PDAP1: variants seen among roughly 807,000 people sequenced by gnomAD.
PDAP1 encodes PDGFA associated protein 1.
In PDAP1, 13 loss-of-function variants were observed where a neutral mutation model predicts 28.0. That is an observed-to-expected ratio of 0.46 (90% CI 0.30 to 0.74). PDAP1 has a LOEUF of 0.74. PDAP1 is among the 30% of genes least tolerant of loss of function. The pLI is 0.07. For missense variants in PDAP1, 150 were observed against 230.0 expected, an observed-to-expected ratio of 0.65 and a Z score of 2.25; for synonymous variants, 77 against 85.1, an observed-to-expected ratio of 0.91 and a Z score of 0.52.
chr7:99,398,173 G>GT (rs1013304348), intron 4 of PDAP1, among the ~76,000 whole-genome samples, 160 bp from the exon 5 acceptor site: 1 of 152,236 alleles, frequency 6.6e-6, no homozygotes, highest in African/African-American at 2.4e-5. Flanking sequence ...CTTGGTGGAC[G>GT]TTCACCAAGC....
chr7:99,397,783 G>T (rs1174641083), intron 5 of PDAP1, 79 bp downstream of exon 5: 6 of 1,541,580 alleles, frequency 3.9e-6, no homozygotes, highest in Non-Finnish European at 5.3e-6. Context: ...CTCGCGGACA[G>T]GGACACGAGT....
chr7:99,408,595 A>C lies in PDAP1; in HGVS notation c.-47T>G. ...GGCGGCGGCGGCGCCTCGAACTGAC[A>C]CCGGAACCGGAAATAGCTTGGGCTC... On this transcript the variant is annotated 5_prime_UTR_variant, in exon 1 of 6. Transcript: ENST00000350498. 1 of 1,198,574 alleles carries C rather than the reference A, an allele frequency of 8.3e-7. No homozygotes were observed. The highest frequency in any genetic ancestry group is 1.0e-6 in the Non-Finnish European group (1 of 964,030). 74.2% of individuals were successfully genotyped at this position (1,198,574 alleles called of 1,614,324 possible).
chr7:99,407,464 T>C (rs776208429), intron 1 of PDAP1, among the ~76,000 whole-genome samples: 4 of 152,204 alleles, frequency 2.6e-5, no homozygotes, highest in Non-Finnish European at 5.9e-5. Flanking sequence ...TTTAGCTCTG[T>C]AATGCCCAAT....
At position 99,399,689 on chromosome 7, in the gene PDAP1, G is replaced by A. The variant is rs187723162; in HGVS notation, c.335+614C>T. 7.9e-4 allele frequency among the ~76,000 whole-genome samples: 121 copies of A among 152,334 alleles called. 1 individual carries two copies. The highest frequency in any genetic ancestry group is 7.8e-3 in the Admixed American group (120 of 15,308). ...CATTATCCTAAATTCCCAGTCAGGA[G>A]AGAAACTAGCAGGCTTCAACCTCTT... On this transcript the variant is annotated intron_variant, in intron 4 of 5. Coordinates refer to ENST00000350498, the MANE Select transcript of PDAP1 (RefSeq NM_014891.7).
chr7:99,407,797 T>TA (rs1008890946), intron 1 of PDAP1, among the ~76,000 whole-genome samples: 3 of 152,114 alleles, frequency 2.0e-5, no homozygotes, highest in African/African-American at 7.2e-5. Flanking sequence ...GGCTAGAAGA[T>TA]AGAGGACGGG....
chr7:99,400,023 G>A (rs1363434280), intron 4 of PDAP1, among the ~76,000 whole-genome samples: 1 of 152,224 alleles, frequency 6.6e-6, no homozygotes, highest in Non-Finnish European at 1.5e-5. Flanking sequence ...CCAGGGTGTG[G>A]TGCTCTGGAA....
Position 99,394,960 on chromosome 7 carries a change from C to T in PDAP1, c.*1722G>A, listed in dbSNP as rs975014300. On this transcript the variant is annotated 3_prime_UTR_variant, in exon 6 of 6. Transcript: ENST00000350498. The stretch of plus-strand genomic sequence containing the variant: ...CTCCAGGGAGAGATTGGTGTTTGCA[C>T]GGCCATAGGTAGATAGCTTATTTTT... The T allele has an allele frequency of 2.1e-6, 1 of 477,580 alleles. No homozygotes were observed. The highest frequency in any genetic ancestry group is 3.0e-6 in the Non-Finnish European group (1 of 329,002). The allele number at this position is 477,580 out of a possible 1,614,324, so 29.6% of individuals were successfully genotyped here.
Position 99,396,501 on chromosome 7 carries a change from A to G in PDAP1, c.*181T>C. On this transcript the variant is annotated 3_prime_UTR_variant, in exon 6 of 6. Coordinates refer to ENST00000350498, the MANE Select transcript of PDAP1 (RefSeq NM_014891.7). ...CAAAGATAGCAGCTACCCCTCCCCC[A>G]GTCCCCCCCCCCATCCCCCAAACAA... is the stretch of plus-strand genomic sequence containing the variant. 1 of 310,886 alleles carries G rather than the reference A, an allele frequency of 3.2e-6. No individual in the cohort carries two copies. Among genetic ancestry groups the G allele is most frequent in the Non-Finnish European group, 6.0e-6 (1 of 166,974 alleles). 19.3% of individuals were successfully genotyped at this position (310,886 alleles called of 1,614,324 possible). A position where few individuals can be genotyped will look rare whatever the true frequency, so the allele number is the denominator to read the frequency against.
chr7:99,398,188 G>A (rs1212835002), intron 4 of PDAP1, among the ~76,000 whole-genome samples, 175 bp from the exon 5 acceptor site: 2 of 152,244 alleles, frequency 1.3e-5, no homozygotes, highest in South Asian at 2.1e-4. Context: ...CCAAGCAAGT[G>A]AGCAGGAGGG....
At chr7:99,403,101 C>A (rs77633623) in intron 3 of PDAP1, among the ~76,000 whole-genome samples, 1 of 152,218 alleles carries the variant, frequency 6.6e-6, no homozygotes, top group African/African-American at 2.4e-5. Flanking sequence ...TTGCTCTGCA[C>A]GCCAATTTTC....
At chr7:99,397,761 C>T in intron 5 of PDAP1, 101 bp downstream of exon 5, 1 of 1,441,794 alleles carries the variant, frequency 6.9e-7, no homozygotes, top group Non-Finnish European at 9.5e-7. Flanking sequence ...TCACTCCTCA[C>T]CTCATTGTCA....
intron 2 of PDAP1, among the ~76,000 whole-genome samples, chr7:99,404,554 G>A (rs1401355974): frequency 6.6e-6 from 1 of 152,142 alleles, no homozygotes; most frequent in Admixed American, 6.5e-5. Flanking sequence ...AGCTCGAGCT[G>A]TGAATGGACA....
Position 99,395,544 on chromosome 7 carries a change from TATGTC to T in PDAP1, c.*1133_*1137del, listed in dbSNP as rs1202323208. On this transcript the variant is annotated 3_prime_UTR_variant, in exon 6 of 6. Coordinates refer to ENST00000350498, the MANE Select transcript of PDAP1 (RefSeq NM_014891.7). The stretch of plus-strand genomic sequence containing the variant: ...TAAACTGAGGTTCTGTCTTGGAGTT[TATGTC>T]ATGTCACCAGGTCCTGTGCTGAAGG... 3 of 152,272 alleles carry T rather than the reference TATGTC, an allele frequency of 2.0e-5. No individual in the cohort carries two copies. Among genetic ancestry groups the T allele is most frequent in the Non-Finnish European group, 2.9e-5 (2 of 68,056 alleles). 9.4% of individuals were successfully genotyped at this position (152,272 alleles called of 1,614,324 possible).
rs57668352 is a variant in PDAP1, at chr7:99,394,698, G to GAAAAA, written c.*1979_*1983dup. 0.042 allele frequency: 47,318 copies of GAAAAA among 1,135,772 alleles called. 724 individuals are homozygous for GAAAAA. Among genetic ancestry groups the GAAAAA allele is most frequent in the African/African-American group, 0.16 (8,412 of 52,042 alleles). The allele number at this position is 1,135,772 out of a possible 1,614,324, so 70.4% of individuals were successfully genotyped here. On this transcript the variant is annotated 3_prime_UTR_variant, in exon 6 of 6. Coordinates refer to ENST00000350498, the MANE Select transcript of PDAP1 (RefSeq NM_014891.7). ...TTTTTCTTAAATGCTTTCATTTATT[G>GAAAAA]AAAAAAAAAAAAAATGCCCCCAAAG...
At chr7:99,403,229 T>C in intron 3 of PDAP1, 169 bp downstream of exon 3, 1 of 600,588 alleles carries the variant, frequency 1.7e-6, no homozygotes. Flanking sequence ...TTCTCATTAC[T>C]TGAAATGACA....
chr7:99,407,483 G>A (rs1795000952), intron 1 of PDAP1, among the ~76,000 whole-genome samples: 1 of 152,178 alleles, frequency 6.6e-6, no homozygotes, highest in Admixed American at 6.5e-5. Flanking sequence ...ATTATCTCTG[G>A]AGTCAGGAAG....
At chr7:99,403,272 A>C in intron 3 of PDAP1, 126 bp downstream of exon 3, 1 of 649,850 alleles carries the variant, frequency 1.5e-6, no homozygotes, top group Non-Finnish European at 2.8e-6. Flanking sequence ...TATCTCCCGT[A>C]GTGTAAACCC....
At chr7:99,405,208 G>A (rs1025382485) in intron 1 of PDAP1, among the ~76,000 whole-genome samples, 3 of 152,292 alleles carry the variant, frequency 2.0e-5, no homozygotes, top group East Asian at 3.9e-4. Flanking sequence ...AGAACATGGC[G>A]GACGGTGCAC....
At chr7:99,402,911 A>AGAAAT (rs1794904598) in intron 3 of PDAP1, among the ~76,000 whole-genome samples, 1 of 150,432 alleles carries the variant, frequency 6.6e-6, no homozygotes, top group Admixed American at 6.6e-5. Context: ...AGAAAAGAAA[A>AGAAAT]GAAATGCCAA....
Sources: gnomAD v4.1 joint callset for allele counts (sites outside exome capture counted in the v4.1 genomes callset) on GRCh38, gnomAD v4.1.1 for gene constraint, MANE v1.5 for transcripts, NCBI Gene and HGNC (gene_info 2026-07-23, HGNC 2026-07-21) for gene names.